GABRB1: variants seen among roughly 807,000 people sequenced by gnomAD.
The protein encoded by GABRB1 is gamma-aminobutyric acid receptor subunit beta-1.
GABRB1 carries 17 observed loss-of-function variants against 51.6 expected under a neutral mutation model. The ratio of observed to expected loss-of-function variants is 0.33; its 90% CI spans 0.23 to 0.49. The LOEUF (loss-of-function observed/expected upper bound fraction) is 0.49, where lower values mean the gene tolerates loss of function less well. Ranked by LOEUF, GABRB1 falls within the 20% of genes least tolerant of loss-of-function variation. GABRB1 has a pLI of 0.99. For synonymous variants in GABRB1, 247 were observed against 218.9 expected, an observed-to-expected ratio of 1.13 and a Z score of -1.14; for missense variants, 410 against 600.6, an observed-to-expected ratio of 0.68 and a Z score of 3.32.
At chr4:47,010,889 ATAGT>A (rs1259679946) in intron 1 of GABRB1, among the ~76,000 whole-genome samples, 2 of 152,252 alleles carry the variant, frequency 1.3e-5, no homozygotes, top group Non-Finnish European at 2.9e-5. Flanking sequence ...CTCCTGGAAC[ATAGT>A]TAGCACTAAC....
chr4:47,143,670 T>G (rs986992998), intron 3 of GABRB1, among the ~76,000 whole-genome samples: 1 of 151,954 alleles, frequency 6.6e-6, no homozygotes, highest in Admixed American at 6.6e-5. Context: ...TTATTTGTAT[T>G]TGCATATTCA....
intron 4 of GABRB1, among the ~76,000 whole-genome samples, chr4:47,205,885 C>T (rs1720099261): frequency 1.3e-5 from 2 of 152,022 alleles, no homozygotes; most frequent in South Asian, 4.1e-4. Context: ...TTGTTCAGAG[C>T]TACCTTTCCC....
intron 5 of GABRB1, among the ~76,000 whole-genome samples, chr4:47,327,996 C>T (rs1426385555): frequency 1.3e-5 from 2 of 152,092 alleles, no homozygotes; most frequent in South Asian, 4.1e-4. Context: ...TTTTAATGAT[C>T]GCCATTCTAA....
intron 5 of GABRB1, among the ~76,000 whole-genome samples, chr4:47,400,243 G>T (rs956846396): frequency 6.6e-6 from 1 of 152,044 alleles, no homozygotes; most frequent in African/African-American, 2.4e-5. Context: ...TGCCTGTGCT[G>T]TAATCAGATA....
At chr4:47,285,659 C>T (rs1165991490) in intron 4 of GABRB1, among the ~76,000 whole-genome samples, 1 of 152,196 alleles carries the variant, frequency 6.6e-6, no homozygotes, top group Non-Finnish European at 1.5e-5. Flanking sequence ...AATCCCTACT[C>T]TAGCATTTCC....
At chr4:47,360,292 C>G (rs771205054) in intron 5 of GABRB1, among the ~76,000 whole-genome samples, 2 of 151,406 alleles carry the variant, frequency 1.3e-5, no homozygotes, top group Non-Finnish European at 2.9e-5. Flanking sequence ...GATTGAAAAC[C>G]TAAGAAATAA....
chr4:47,295,902 C>T (rs559388452), intron 4 of GABRB1, among the ~76,000 whole-genome samples: 49 of 152,248 alleles, frequency 3.2e-4, no homozygotes, highest in East Asian at 1.9e-3. Flanking sequence ...AGACTAACAG[C>T]GGATCTCTTG....
chr4:47,133,723 G>C (rs1243464482), intron 3 of GABRB1, among the ~76,000 whole-genome samples: 2 of 152,142 alleles, frequency 1.3e-5, no homozygotes, highest in Non-Finnish European at 2.9e-5. Flanking sequence ...GACTATCACA[G>C]AAATAATGCT....
chr4:47,054,164 G>A (rs1426037060), intron 3 of GABRB1, among the ~76,000 whole-genome samples: 1 of 148,946 alleles, frequency 6.7e-6, no homozygotes, highest in South Asian at 2.1e-4. Flanking sequence ...TTTTTTTTCT[G>A]TCATATCTGC....
rs755405631 is a variant in GABRB1, at chr4:47,426,309, T to G, written c.*291T>G. 2.2e-5 allele frequency: 5 copies of G among 232,306 alleles called. No individual in the cohort carries two copies. The highest frequency in any genetic ancestry group is 4.5e-5 in the African/African-American group (2 of 44,306). 14.4% of individuals were successfully genotyped at this position (232,306 alleles called of 1,614,324 possible). A position where few individuals can be genotyped will look rare whatever the true frequency, so the allele number is the denominator to read the frequency against. On this transcript the variant is annotated 3_prime_UTR_variant, in exon 9 of 9. Transcript: ENST00000295454. ...AAGAGAGAAGTTAGACAGGTAGATC[T>G]TTAGCAGTCTTTTCTAGTTTCCCTG...
chr4:47,041,573 G>A (rs990429851), intron 3 of GABRB1, among the ~76,000 whole-genome samples: 1 of 152,116 alleles, frequency 6.6e-6, no homozygotes, highest in Admixed American at 6.6e-5. Context: ...GTTGCTAAGA[G>A]TGAATCCCAT....
intron 4 of GABRB1, among the ~76,000 whole-genome samples, chr4:47,257,541 G>A (rs975068468): frequency 3.3e-5 from 5 of 151,950 alleles, no homozygotes; most frequent in Non-Finnish European, 7.4e-5. Flanking sequence ...AGCCTGCTGT[G>A]TGTGGGGTGG....
At chr4:46,998,440 A>G (rs1724070191) in intron 1 of GABRB1, among the ~76,000 whole-genome samples, 1 of 152,142 alleles carries the variant, frequency 6.6e-6, no homozygotes, top group East Asian at 1.9e-4. Flanking sequence ...GTTTTAAAAT[A>G]GGTGGAGGCC....
At chr4:47,198,289 G>T (rs951420661) in intron 4 of GABRB1, among the ~76,000 whole-genome samples, 3 of 152,184 alleles carry the variant, frequency 2.0e-5, no homozygotes, top group Non-Finnish European at 4.4e-5. Flanking sequence ...TATGGTACAT[G>T]TTTCAGTACC....
In GABRB1 at chr4:47,184,223, G is replaced by T. The variant is rs146373536; in HGVS notation, c.461+22754G>T. 6.9e-3 allele frequency among the ~76,000 whole-genome samples: 1,044 copies of T among 152,010 alleles called. 8 individuals carry two copies. Among genetic ancestry groups the T allele is most frequent in the African/African-American group, 0.024 (983 of 41,502 alleles). On this transcript the variant is annotated intron_variant, in intron 4 of 8. Coordinates refer to ENST00000295454, the MANE Select transcript of GABRB1 (RefSeq NM_000812.4). ...ATAACTCTGCCAGTCTGCCAAAACAGCCAACGTTTTATTCATTAGTTATCT... is the reference window on the plus strand; with the variant it reads ...ATAACTCTGCCAGTCTGCCAAAACATCCAACGTTTTATTCATTAGTTATCT...
At chr4:47,335,826 G>A (rs187494467) in intron 5 of GABRB1, among the ~76,000 whole-genome samples, 21 of 152,222 alleles carry the variant, frequency 1.4e-4, no homozygotes, top group South Asian at 6.2e-4. Flanking sequence ...CACATGCCAC[G>A]AAGACCATGA....
chr4:47,242,313 T>C (rs913199462), intron 4 of GABRB1, among the ~76,000 whole-genome samples: 113 of 152,230 alleles, frequency 7.4e-4, no homozygotes, highest in African/African-American at 2.6e-3. Context: ...TGGTTCCAAG[T>C]CTTTGCTATT....
At chr4:47,342,343 G>A (rs529527387) in intron 5 of GABRB1, among the ~76,000 whole-genome samples, 1 of 152,172 alleles carries the variant, frequency 6.6e-6, no homozygotes, top group East Asian at 1.9e-4. Flanking sequence ...GAATAGATCA[G>A]GGATTTATTT....
At chr4:47,108,410 G>C (rs1331110466) in intron 3 of GABRB1, among the ~76,000 whole-genome samples, 3 of 151,936 alleles carry the variant, frequency 2.0e-5, no homozygotes, top group Non-Finnish European at 4.4e-5. Flanking sequence ...AAGGTAACTT[G>C]GTAAACCCAA....
Sources: gnomAD v4.1 joint callset for allele counts (sites outside exome capture counted in the v4.1 genomes callset) on GRCh38, gnomAD v4.1.1 for gene constraint, MANE v1.5 for transcripts, NCBI Gene and HGNC (gene_info 2026-07-23, HGNC 2026-07-21) for gene names.